EYS: variants seen among roughly 807,000 people sequenced by gnomAD.
The protein encoded by EYS is EGF-like photoreceptor maintenance factor.
EYS carries 250 observed loss-of-function variants against 282.1 expected under a neutral mutation model. The observed-to-expected ratio is 0.89, with a 90% confidence interval of 0.80 to 0.98. EYS has a LOEUF of 0.98. Ranked by LOEUF, EYS falls within the 50% of genes least tolerant of loss-of-function variation. EYS has a pLI of 0.00. For missense variants in EYS, 4,016 were observed against 3,709.0 expected, an observed-to-expected ratio of 1.08 and a Z score of -2.15; for synonymous variants, 1,355 against 1,282.9, an observed-to-expected ratio of 1.06 and a Z score of -1.20.
At chr6:64,216,961 T>C (rs965749025) in intron 31 of EYS, among the ~76,000 whole-genome samples, 5 of 152,176 alleles carry the variant, frequency 3.3e-5, no homozygotes, top group Admixed American at 6.6e-5. Flanking sequence ...ACTCCCAGTC[T>C]TTTTCAATAA....
chr6:64,899,341 C>G (rs1027561904), intron 18 of EYS, among the ~76,000 whole-genome samples: 2 of 152,090 alleles, frequency 1.3e-5, no homozygotes, highest in South Asian at 4.1e-4. Context: ...ATGACCTCCT[C>G]CTGAATGACT....
Position 64,548,048 on chromosome 6 carries a change from C to A in EYS, c.5644+42175G>T, listed in dbSNP as rs193060830. 6.6e-5 allele frequency among the ~76,000 whole-genome samples: 10 copies of A among 152,314 alleles called. No homozygotes were observed. The East Asian group carries it at 1.9e-3, about 29-fold the overall frequency. On this transcript the variant is annotated intron_variant, in intron 26 of 42. Transcript: ENST00000503581. ...TGGTTCCCGCCTGCGCCTGTCCCTC[C>A]ACACCTCCCTGGAAGCTGATAGAGC...
intron 2 of EYS, among the ~76,000 whole-genome samples, chr6:65,593,266 T>A (rs962744985): frequency 1.6e-4 from 25 of 152,060 alleles, no homozygotes; most frequent in African/African-American, 6.0e-4. Flanking sequence ...ATAGGACATT[T>A]GTTAAACATA....
In EYS at chr6:63,727,737, A is replaced by AATATATATATATAT. The variant is rs70999122; in HGVS notation, c.8072-1071_8072-1058dup. The stretch of plus-strand genomic sequence containing the variant: ...AAAAAAAAAAAAAAAAAAAAAAAAA[A>AATATATATATATAT]ATATATATATATATGTTAGCTGGGC... On this transcript the variant is annotated intron_variant, in intron 41 of 42. Transcript: ENST00000503581. Among the ~76,000 whole-genome samples, 247 of 36,678 alleles carry AATATATATATATAT rather than the reference A, an allele frequency of 6.7e-3. 14 individuals carry two copies. Among genetic ancestry groups the AATATATATATATAT allele is most frequent in the African/African-American group, 8.8e-3 (33 of 3,758 alleles). The allele number at this position is 36,678 out of a possible 152,430, so 24.1% of individuals were successfully genotyped here.
At chr6:63,867,845 C>T (rs968409010) in intron 35 of EYS, among the ~76,000 whole-genome samples, 2 of 152,068 alleles carry the variant, frequency 1.3e-5, no homozygotes, top group African/African-American at 4.8e-5. Flanking sequence ...AAGTAAGGCT[C>T]AAGAGTCTGC....
intron 12 of EYS, among the ~76,000 whole-genome samples, chr6:65,293,432 T>C (rs951321390): frequency 3.3e-5 from 5 of 151,790 alleles, no homozygotes; most frequent in Admixed American, 2.6e-4. Context: ...TTAAATCCTG[T>C]AGGATTCACT....
intron 36 of EYS, among the ~76,000 whole-genome samples, chr6:63,820,959 C>T (rs998431047): frequency 6.6e-6 from 1 of 151,986 alleles, no homozygotes; most frequent in African/African-American, 2.4e-5. Flanking sequence ...AGATCAGACT[C>T]AAAAGCTTTG....
At chr6:64,895,832 C>T (rs1767442844) in intron 18 of EYS, among the ~76,000 whole-genome samples, 1 of 151,868 alleles carries the variant, frequency 6.6e-6, no homozygotes, top group African/African-American at 2.4e-5. Context: ...TACAATATAC[C>T]TGATGCATCT....
intron 22 of EYS, among the ~76,000 whole-genome samples, chr6:64,708,829 A>G (rs1771115453): frequency 6.6e-6 from 1 of 152,240 alleles, no homozygotes; most frequent in Admixed American, 6.5e-5. Flanking sequence ...GCCATGAAAA[A>G]TCAAGTCCAT....
chr6:65,272,549 C>T (rs376498448), intron 12 of EYS, among the ~76,000 whole-genome samples: 1 of 152,064 alleles, frequency 6.6e-6, no homozygotes, highest in African/African-American at 2.4e-5. Flanking sequence ...TTCCAAAAAC[C>T]CCAGAACCAT....
chr6:65,140,043 T>C (rs1247620857), intron 12 of EYS, among the ~76,000 whole-genome samples: 2 of 151,982 alleles, frequency 1.3e-5, no homozygotes, highest in African/African-American at 2.4e-5. Context: ...AGGCAATTAA[T>C]AAATGACAAT....
intron 26 of EYS, among the ~76,000 whole-genome samples, chr6:64,550,861 A>G (rs1047348971): frequency 6.6e-6 from 1 of 152,174 alleles, no homozygotes; most frequent in African/African-American, 2.4e-5. Flanking sequence ...CCCATTCACA[A>G]TTGCTTCAAA....
chr6:64,278,837 T>C (rs1178210006), intron 30 of EYS, among the ~76,000 whole-genome samples: 1 of 151,946 alleles, frequency 6.6e-6, no homozygotes, highest in Non-Finnish European at 1.5e-5. Context: ...GATCATAGCT[T>C]ACTGTAACCT....
At chr6:64,305,353 AT>A (rs55666848) in intron 30 of EYS, among the ~76,000 whole-genome samples, 103,479 of 150,420 alleles carry the variant, frequency 0.69, 35,438 homozygotes, top group South Asian at 0.71. Context: ...AATCCCAGTG[AT>A]TTTTTTTTTT....
intron 12 of EYS, among the ~76,000 whole-genome samples, chr6:65,292,966 C>A (rs1167110339): frequency 6.6e-6 from 1 of 151,582 alleles, no homozygotes; most frequent in Non-Finnish European, 1.5e-5. Flanking sequence ...TTTAGGATAG[C>A]AGCCTCATGG....
intron 12 of EYS, among the ~76,000 whole-genome samples, chr6:65,081,236 C>T (rs1416575311): frequency 1.3e-5 from 2 of 151,910 alleles, no homozygotes; most frequent in African/African-American, 4.8e-5. Flanking sequence ...ATCTCAGTAG[C>T]CCCTTTTAAC....
chr6:65,123,752 ACC>A (rs139675867), intron 12 of EYS, among the ~76,000 whole-genome samples: 7 of 117,612 alleles, frequency 6.0e-5, no homozygotes, highest in Middle Eastern at 8.4e-3. Context: ...TATAACACCC[ACC>A]CACCCACACA....
intron 26 of EYS, among the ~76,000 whole-genome samples, chr6:64,487,405 C>CCA (rs1301420665): frequency 6.6e-6 from 1 of 150,780 alleles, no homozygotes; most frequent in Non-Finnish European, 1.5e-5. Flanking sequence ...AAATATAATA[C>CCA]CATAGAAAAC....
intron 2 of EYS, among the ~76,000 whole-genome samples, chr6:65,546,866 C>T (rs998640917): frequency 1.3e-5 from 2 of 152,022 alleles, no homozygotes; most frequent in Admixed American, 6.6e-5. Context: ...CGACCACACC[C>T]GGCCATTCAT....
Sources: gnomAD v4.1 joint callset for allele counts (sites outside exome capture counted in the v4.1 genomes callset) on GRCh38, gnomAD v4.1.1 for gene constraint, MANE v1.5 for transcripts, NCBI Gene and HGNC (gene_info 2026-07-23, HGNC 2026-07-21) for gene names.